EYA4: variants seen among roughly 807,000 people sequenced by gnomAD.
The protein encoded by EYA4 is protein phosphatase EYA4.
A neutral mutation model predicts 87.9 loss-of-function variants in EYA4; 31 were observed. That is an observed-to-expected ratio of 0.35 (90% CI 0.27 to 0.48). The LOEUF is 0.48. EYA4 is among the 20% of genes least tolerant of loss of function. EYA4 has a pLI of 0.99. For missense variants in EYA4, 678 were observed against 761.4 expected (o/e 0.89, Z 1.29); for synonymous variants, 263 against 270.6 (o/e 0.97, Z 0.28).
At chr6:133,504,862 A>G (rs762853959) in intron 13 of EYA4, among the ~76,000 whole-genome samples, 5 of 152,200 alleles carry the variant, frequency 3.3e-5, no homozygotes, top group Non-Finnish European at 5.9e-5. Context: ...AAGTTGAGAT[A>G]CATTTCTTGA....
In EYA4 at chr6:133,530,092, A is replaced by T; in HGVS notation, c.*1287A>T. 1.0e-6 allele frequency: 1 copy of T among 985,274 alleles called. No homozygotes were observed. The highest frequency in any genetic ancestry group is 1.2e-6 in the Non-Finnish European group (1 of 829,786). 61.0% of individuals were successfully genotyped at this position (985,274 alleles called of 1,614,324 possible). A position where few individuals can be genotyped will look rare whatever the true frequency, so the allele number is the denominator to read the frequency against. On this transcript the variant is annotated 3_prime_UTR_variant, in exon 20 of 20. Transcript: ENST00000355286. ...AGTTCTCCCAGATGGTGTCTAATGA[A>T]AGCAATGAGTCTATGAAAATTTTAC... is the stretch of plus-strand genomic sequence containing the variant.
At chr6:133,337,294 A>C (rs1332438712) in intron 2 of EYA4, among the ~76,000 whole-genome samples, 1 of 152,200 alleles carries the variant, frequency 6.6e-6, no homozygotes, top group Non-Finnish European at 1.5e-5. Flanking sequence ...TCATACCAGG[A>C]TGCTAGGATG....
intron 2 of EYA4, among the ~76,000 whole-genome samples, chr6:133,320,251 T>A (rs1053389177): frequency 3.9e-5 from 6 of 152,018 alleles, no homozygotes; most frequent in African/African-American, 1.4e-4. Context: ...TACAGCATGG[T>A]TTTCTTTCTT....
At chr6:133,424,362 TG>T (rs1289126204) in intron 3 of EYA4, among the ~76,000 whole-genome samples, 2 of 152,084 alleles carry the variant, frequency 1.3e-5, no homozygotes, top group African/African-American at 4.8e-5. Flanking sequence ...GGCCTGAAAG[TG>T]GGGCCTTACT....
At chr6:133,318,380 T>G (rs906443703) in intron 2 of EYA4, among the ~76,000 whole-genome samples, 1 of 152,212 alleles carries the variant, frequency 6.6e-6, no homozygotes, top group Non-Finnish European at 1.5e-5. Flanking sequence ...AACATTTTTC[T>G]GGCAGTGAAT....
intron 3 of EYA4, among the ~76,000 whole-genome samples, chr6:133,391,323 A>G (rs212811): frequency 0.8 from 120,203 of 150,430 alleles, 51,158 homozygotes; most frequent in Non-Finnish European, 0.95. Context: ...TCCACCTCCC[A>G]GGTTCAAGCG....
chr6:133,404,874 G>A (rs1272626768), intron 3 of EYA4, among the ~76,000 whole-genome samples: 2 of 152,148 alleles, frequency 1.3e-5, no homozygotes, highest in African/African-American at 4.8e-5. Flanking sequence ...GAGAGAAATG[G>A]GAAACCCTAA....
At chr6:133,421,479 G>A (rs1002082235) in intron 3 of EYA4, among the ~76,000 whole-genome samples, 4 of 152,196 alleles carry the variant, frequency 2.6e-5, no homozygotes, top group African/African-American at 7.2e-5. Flanking sequence ...AAAATTTGGT[G>A]ATGATATGTC....
At chr6:133,323,449 AT>A (rs1020678208) in intron 2 of EYA4, among the ~76,000 whole-genome samples, 5 of 152,146 alleles carry the variant, frequency 3.3e-5, no homozygotes, top group Non-Finnish European at 7.4e-5. Context: ...AAGATGTAGT[AT>A]TTTGACATAT....
At chr6:133,435,493 T>TC (rs2128595650) in intron 3 of EYA4, 1 of 152,552 alleles carries the variant, frequency 6.6e-6, no homozygotes, top group Non-Finnish European at 1.5e-5. Flanking sequence ...GGTGAGGGCC[T>TC]CCTTCTGGGA....
chr6:133,467,745 A>G (rs1466445990), intron 10 of EYA4, among the ~76,000 whole-genome samples: 1 of 151,996 alleles, frequency 6.6e-6, no homozygotes, highest in African/African-American at 2.4e-5. Context: ...GTGATGACCA[A>G]GGATTTGTCA....
At chr6:133,320,131 C>T (rs1311678263) in intron 2 of EYA4, among the ~76,000 whole-genome samples, 2 of 150,450 alleles carry the variant, frequency 1.3e-5, no homozygotes, top group African/African-American at 4.9e-5. Context: ...TTTTCGATGA[C>T]CATTCCTTTT....
At chr6:133,344,480 A>G (rs751423036) in intron 2 of EYA4, among the ~76,000 whole-genome samples, 4 of 152,116 alleles carry the variant, frequency 2.6e-5, no homozygotes, top group Non-Finnish European at 5.9e-5. Context: ...TTTTAATCTT[A>G]TCTGGTTGGT....
intron 13 of EYA4, among the ~76,000 whole-genome samples, chr6:133,491,531 CA>C (rs1797151495): frequency 6.6e-6 from 1 of 152,018 alleles, no homozygotes; most frequent in Non-Finnish European, 1.5e-5. Flanking sequence ...AACTACATGC[CA>C]ATAAACTGGA....
intron 2 of EYA4, among the ~76,000 whole-genome samples, chr6:133,310,006 A>G (rs1780098435): frequency 6.6e-6 from 1 of 152,188 alleles, no homozygotes; most frequent in Non-Finnish European, 1.5e-5. Flanking sequence ...TAAACAGACA[A>G]TCTTCTCTTA....
At chr6:133,458,039 C>T (rs1261028352) in intron 6 of EYA4, among the ~76,000 whole-genome samples, 1 of 151,908 alleles carries the variant, frequency 6.6e-6, no homozygotes. Flanking sequence ...AAAACCATGT[C>T]CTTATGATCA....
chr6:133,265,668 A>C (rs1287746334), intron 1 of EYA4, among the ~76,000 whole-genome samples: 3 of 152,190 alleles, frequency 2.0e-5, no homozygotes, highest in Admixed American at 2.0e-4. Flanking sequence ...GTGATTGGCC[A>C]AGAAAAAAAT....
At chr6:133,420,084 G>A (rs1790085053) in intron 3 of EYA4, among the ~76,000 whole-genome samples, 1 of 152,084 alleles carries the variant, frequency 6.6e-6, no homozygotes, top group Non-Finnish European at 1.5e-5. Context: ...TGACACCACT[G>A]TGCAGGAAAT....
chr6:133,250,771 A>G (rs139954988), intron 1 of EYA4, among the ~76,000 whole-genome samples: 2 of 152,196 alleles, frequency 1.3e-5, no homozygotes, highest in South Asian at 4.1e-4. Flanking sequence ...TCAGTTTCTC[A>G]TGTGTAACAG....
Sources: allele counts gnomAD v4.1 joint callset (sites outside exome capture counted in the v4.1 genomes callset), GRCh38; gene constraint gnomAD v4.1.1; transcripts MANE v1.5; gene names NCBI Gene and HGNC (gene_info 2026-07-23, HGNC 2026-07-21).